Variants in NXPE2 observed in about 807,000 individuals in gnomAD.
The protein encoded by NXPE2 is NXPE family member 2.
Under a neutral mutation model 34.4 loss-of-function variants are expected in NXPE2, and 34 were observed. That is an observed-to-expected ratio of 0.99 (90% CI 0.75 to 1.31). The LOEUF (loss-of-function observed/expected upper bound fraction) is 1.31. Ranked by LOEUF, NXPE2 falls within the 40% of genes most tolerant of loss-of-function variation. The pLI, the probability that NXPE2 is intolerant of heterozygous loss-of-function variation, is 0.00. For missense variants in NXPE2, 649 were observed against 672.5 expected (o/e 0.97, Z 0.39); for synonymous variants, 235 against 231.3 (o/e 1.02, Z -0.15).
the NXPE2 span, among the ~76,000 whole-genome samples, chr11:114,478,279 G>A: frequency 2.6e-5 from 4 of 152,170 alleles, no homozygotes; most frequent in African/African-American, 9.7e-5. Context: ...TGGAGTCTGG[G>A]AGATAGGGGC....
chr11:114,673,008 C>T, the NXPE2 span, among the ~76,000 whole-genome samples: 1 of 150,110 alleles, frequency 6.7e-6, no homozygotes, highest in African/African-American at 2.4e-5. Context: ...ATATTCTTCT[C>T]AAGTACACAT....
At chr11:114,810,000 C>T in the NXPE2 span, among the ~76,000 whole-genome samples, 3,410 of 150,484 alleles carry the variant, frequency 0.023, 136 homozygotes, top group African/African-American at 0.08. Context: ...GAGATATAGA[C>T]CAATGGAACA....
At chr11:114,784,892 G>T in the NXPE2 span, among the ~76,000 whole-genome samples, 18 of 152,148 alleles carry the variant, frequency 1.2e-4, no homozygotes, top group African/African-American at 4.1e-4. Flanking sequence ...AGAGGATATT[G>T]TTTTGGGGGT....
the NXPE2 span, among the ~76,000 whole-genome samples, chr11:114,544,723 G>A: frequency 6.6e-6 from 1 of 152,132 alleles, no homozygotes; most frequent in Non-Finnish European, 1.5e-5. Flanking sequence ...TGATAAGTTA[G>A]ATTTTATTAA....
intron 2 of NXPE2, among the ~76,000 whole-genome samples, chr11:114,683,775 C>G (rs979401024): frequency 6.6e-6 from 1 of 151,994 alleles, no homozygotes; most frequent in Admixed American, 6.6e-5. Context: ...TGGTAAATAA[C>G]AAAATAAAGA....
chr11:114,800,290 A>G, the NXPE2 span, among the ~76,000 whole-genome samples: 1 of 152,246 alleles, frequency 6.6e-6, no homozygotes, highest in South Asian at 2.1e-4. Flanking sequence ...CCTCACATGC[A>G]CATGATATAA....
the NXPE2 span, among the ~76,000 whole-genome samples, chr11:114,764,166 T>C: frequency 6.6e-6 from 1 of 152,180 alleles, no homozygotes; most frequent in South Asian, 2.1e-4. Context: ...TTTACATATA[T>C]GTATCAAATG....
chr11:114,555,147 T>A, the NXPE2 span, among the ~76,000 whole-genome samples: 1 of 152,258 alleles, frequency 6.6e-6, no homozygotes, highest in South Asian at 2.1e-4. Flanking sequence ...GGTATAGATA[T>A]TTCTGGGGCA....
chr11:114,583,647 C>T, the NXPE2 span: 5 of 588,980 alleles, frequency 8.5e-6, no homozygotes, highest in Admixed American at 9.3e-5. Flanking sequence ...ATGGACACTG[C>T]TGTGAATTGG....
the NXPE2 span, among the ~76,000 whole-genome samples, chr11:114,510,298 G>A: frequency 1.3e-5 from 2 of 152,156 alleles, no homozygotes; most frequent in Admixed American, 6.5e-5. Context: ...TGTGATCATA[G>A]TCATAGCTCA....
the NXPE2 span, among the ~76,000 whole-genome samples, chr11:114,532,386 A>T: frequency 2.6e-5 from 4 of 152,174 alleles, no homozygotes; most frequent in Non-Finnish European, 4.4e-5. Context: ...TGGAAAATAT[A>T]AAAAACTTAC....
At chr11:114,651,548 G>A in the NXPE2 span, among the ~76,000 whole-genome samples, 2 of 152,220 alleles carry the variant, frequency 1.3e-5, no homozygotes, top group Non-Finnish European at 2.9e-5. Context: ...GATTGCCACT[G>A]CTGGCTTTGC....
In NXPE2 at chr11:114,698,342, C is replaced by A. The variant is rs1018757080; in HGVS notation, c.430C>A (p.Gln144Lys). The A allele has an allele frequency of 1.1e-5, 18 of 1,613,938 alleles. No homozygotes were observed. Among genetic ancestry groups the A allele is most frequent in the Non-Finnish European group, 1.4e-5 (16 of 1,179,910 alleles). The change falls in exon 3 of 6, where the codon CAA becomes AAA. Residue 144 changes from glutamine to lysine, a missense_variant. Transcript: ENST00000389586. ...EVRDHLGHRK[Q>K]YGGDFLRARM... ...GAGGGACCACTTGGGACACAGGAAG[C>A]AATATGGTGGGGATTTCCTGAGGGC... is the stretch of plus-strand genomic sequence containing the variant.
chr11:114,526,057 G>A, the NXPE2 span, among the ~76,000 whole-genome samples: 1 of 152,176 alleles, frequency 6.6e-6, no homozygotes, highest in Admixed American at 6.5e-5. Context: ...GAAGAGGGAG[G>A]CAGAAGAGTG....
chr11:114,548,308 A>G, the NXPE2 span, among the ~76,000 whole-genome samples: 5 of 152,150 alleles, frequency 3.3e-5, no homozygotes, highest in Non-Finnish European at 7.4e-5. Flanking sequence ...AGAACTAATA[A>G]CCATAAAGAC....
At chr11:114,727,774 AACACACACACACACACACAC>A in the NXPE2 span, among the ~76,000 whole-genome samples, 5 of 127,640 alleles carry the variant, frequency 3.9e-5, no homozygotes, top group East Asian at 7.6e-4. Context: ...ATGTGTACAC[AACACACACACACACACACAC>A]ACACACACAC....
the NXPE2 span, among the ~76,000 whole-genome samples, chr11:114,613,219 T>C: frequency 2.6e-4 from 39 of 151,958 alleles, no homozygotes; most frequent in African/African-American, 8.9e-4. Flanking sequence ...ATAATACTTG[T>C]TGCCTCGAGG....
At chr11:114,792,386 C>G in the NXPE2 span, among the ~76,000 whole-genome samples, 1 of 152,206 alleles carries the variant, frequency 6.6e-6, no homozygotes, top group Non-Finnish European at 1.5e-5. Context: ...CTAGTCTGGA[C>G]TCTGACCCCC....
chr11:114,734,851 G>A, the NXPE2 span, among the ~76,000 whole-genome samples: 1 of 152,168 alleles, frequency 6.6e-6, no homozygotes, highest in African/African-American at 2.4e-5. Context: ...GCTCACGCCT[G>A]TAATCCCAGC....
Sources: gnomAD v4.1 joint callset for allele counts (sites outside exome capture counted in the v4.1 genomes callset) on GRCh38, gnomAD v4.1.1 for gene constraint, MANE v1.5 for transcripts, NCBI Gene and HGNC (gene_info 2026-07-23, HGNC 2026-07-21) for gene names.